The following C2CD5 variants were observed in gnomAD, a reference collection of about 807,000 sequenced individuals.
The protein encoded by C2CD5 is C2 domain-containing protein 5.
Under a neutral mutation model 130.3 loss-of-function variants are expected in C2CD5, and 109 were observed. That is an observed-to-expected ratio of 0.84 (90% confidence interval 0.72 to 0.98). C2CD5 has a LOEUF of 0.98. C2CD5 is among the 50% of genes least tolerant of loss of function. The pLI, the probability that C2CD5 is intolerant of heterozygous loss-of-function variation, is 0.00. For missense variants in C2CD5, 996 were observed against 1,261.8 expected (o/e 0.79, Z 3.19); for synonymous variants, 454 against 429.2 (o/e 1.06, Z -0.71).
Position 22,521,835 on chromosome 12 carries a change from A to G in C2CD5, c.800+1591T>C, listed in dbSNP as rs568769859. On this transcript the variant is annotated intron_variant, in intron 7 of 26. Coordinates refer to ENST00000446597, the MANE Select transcript of C2CD5 (RefSeq NM_001286176.2). Reference sequence around the variant, plus strand: ...ATAAAATGGCTAACAAAAAGAATGCACTTAGGATAAAGATGAAAATTTCAC... The same window carrying G: ...ATAAAATGGCTAACAAAAAGAATGCGCTTAGGATAAAGATGAAAATTTCAC... 2.2e-4 allele frequency among the ~76,000 whole-genome samples: 33 copies of G among 152,340 alleles called. No individual in the cohort carries two copies. The South Asian group carries it at 6.8e-3, about 32-fold the overall frequency.
intron 12 of C2CD5, among the ~76,000 whole-genome samples, chr12:22,486,290 C>T (rs946455986): frequency 6.6e-6 from 1 of 151,960 alleles, no homozygotes; most frequent in Non-Finnish European, 1.5e-5. Flanking sequence ...CCAGCTACTA[C>T]ACTGCTCTCG....
Position 22,523,438 on chromosome 12 carries a change from T to A in C2CD5, c.788A>T (p.Lys263Ile). The change falls in exon 7 of 27, where the codon AAA becomes ATA. Residue 263 changes from lysine to isoleucine, a missense_variant. By Grantham distance (102) the Lys-to-Ile change is moderately radical. This residue lies in a region of C2CD5 where 156 missense variants were observed against 165.9 expected (regional missense o/e 0.94). Transcript: ENST00000446597. The stretch of plus-strand genomic sequence containing the variant: ...GATTCATACTTACTCCTTCATTTCT[T>A]TGGATGGGGAATTACATGCAGGAAG... Reference protein sequence around the residue: ...AFLPACNSPSKEMKEIPFNED... With the variant: ...AFLPACNSPSIEMKEIPFNED... 6.2e-7 allele frequency: 1 copy of A among 1,613,164 alleles called. No individual in the cohort carries two copies. Among genetic ancestry groups the A allele is most frequent in the East Asian group, 2.2e-5 (1 of 44,862 alleles).
intron 16 of C2CD5, among the ~76,000 whole-genome samples, chr12:22,473,177 C>G (rs1244988221): frequency 6.6e-6 from 1 of 152,120 alleles, no homozygotes; most frequent in East Asian, 1.9e-4. Flanking sequence ...GAATTAGGTA[C>G]AGATAAATTT....
intron 9 of C2CD5, among the ~76,000 whole-genome samples, chr12:22,510,448 C>T (rs972516233): frequency 6.6e-6 from 1 of 152,172 alleles, no homozygotes; most frequent in Non-Finnish European, 1.5e-5. Flanking sequence ...GAAAAATCAT[C>T]AGAGCACAAT....
At chr12:22,525,870 C>A (rs1950672047) in intron 4 of C2CD5, among the ~76,000 whole-genome samples, 165 bp from the exon 5 acceptor site, 1 of 152,104 alleles carries the variant, frequency 6.6e-6, no homozygotes, top group Non-Finnish European at 1.5e-5. Flanking sequence ...CACTTTCAGT[C>A]CAGAATTCAA....
rs536904820 is a variant in C2CD5, at chr12:22,490,120, A to C, written c.1358+3T>G. 20 of 1,609,822 alleles carry C rather than the reference A, an allele frequency of 1.2e-5. No individual in the cohort carries two copies. The highest frequency in any genetic ancestry group is 7.7e-5 in the South Asian group (7 of 90,962). ...AGAAAATAAGCCAGGCTGCCATGAC[A>C]ACCTCTGTTCCAAACAGCCTTCCAC... On this transcript the variant is annotated splice_donor_region_variant and intron_variant, in intron 12 of 26. Transcript: ENST00000446597.
At chr12:22,501,160 ATAC>A (rs941465092) in intron 10 of C2CD5, among the ~76,000 whole-genome samples, 1 of 152,218 alleles carries the variant, frequency 6.6e-6, no homozygotes, top group African/African-American at 2.4e-5. Context: ...AATCAAAAGC[ATAC>A]TACAAGGTGT....
intron 10 of C2CD5, among the ~76,000 whole-genome samples, chr12:22,497,907 T>TACACAC (rs3063916): frequency 0.024 from 3,490 of 145,674 alleles, 57 homozygotes; most frequent in Non-Finnish European, 0.032. Flanking sequence ...TGCACACACA[T>TACACAC]ACACACACAC....
chr12:22,524,400 C>T, intron 6 of C2CD5, 72 bp downstream of exon 6: 1 of 1,230,636 alleles, frequency 8.1e-7, no homozygotes, highest in Non-Finnish European at 1.2e-6. Flanking sequence ...GTTGAGGTAG[C>T]ATGTCAAAGG....
intron 16 of C2CD5, 103 bp from the exon 17 acceptor site, chr12:22,472,910 C>A: frequency 2.8e-6 from 2 of 705,632 alleles, no homozygotes. Flanking sequence ...AGTCATTTTT[C>A]CTAAGTAAAA....
rs1471759162 is a variant in C2CD5 at position 22,482,735 on chromosome 12, C to T, written c.1559G>A (p.Arg520His). 8.7e-6 allele frequency: 14 copies of T among 1,612,136 alleles called. No individual in the cohort carries two copies. Among genetic ancestry groups the T allele is most frequent in the African/African-American group, 1.3e-5 (1 of 74,800 alleles). ...TTCTGCCTGTGCTTTCTTTTTTAAG[C>T]GACATAACCTGTAAAGGAAAATAAG... ...KGCLIQARLC[R>H]LKKKAQAEAN... Residue 520 changes from arginine to histidine, a missense_variant, in exon 14 of 27, where the codon CGC becomes CAC. This residue lies in a region of C2CD5 where 590 missense variants were observed against 631.4 expected (regional missense o/e 0.93). Coordinates refer to ENST00000446597, the MANE Select transcript of C2CD5 (RefSeq NM_001286176.2).
At chr12:22,464,948 C>A (rs1290115823) in intron 22 of C2CD5, among the ~76,000 whole-genome samples, 2 of 151,932 alleles carry the variant, frequency 1.3e-5, no homozygotes, top group East Asian at 3.9e-4. Flanking sequence ...ACATTAAATT[C>A]AAACAGTTAA....
chr12:22,506,896 A>AGTG, intron 9 of C2CD5, 77 bp from the exon 10 acceptor site: 1 of 827,896 alleles, frequency 1.2e-6, no homozygotes, highest in Non-Finnish European at 2.1e-6. Flanking sequence ...AAAGCTTGCC[A>AGTG]TAGCAACTGT....
At chr12:22,458,721 A>G (rs1485026539) in intron 23 of C2CD5, 136 bp from the exon 24 acceptor site, 6 of 384,190 alleles carry the variant, frequency 1.6e-5, no homozygotes, top group Admixed American at 4.5e-5. Flanking sequence ...TTCAAGTCAG[A>G]TAAGAGAGAT....
rs553016540 is a variant in C2CD5 at position 22,512,646 on chromosome 12, C to G, written c.1038+648G>C. ...CTCTCACACATTTTTCAGAAACATA[C>G]CCGCCTTCTACAGAACCTATGAGGC... On this transcript the variant is annotated intron_variant, in intron 9 of 26. Transcript: ENST00000446597. 3 of 1,487,118 alleles carry G rather than the reference C, an allele frequency of 2.0e-6. No homozygotes were observed. In the African/African-American group the frequency reaches 4.3e-5, roughly 21 times the overall value. 92.1% of individuals were successfully genotyped at this position (1,487,118 alleles called of 1,614,324 possible).
At chr12:22,522,665 C>G (rs1950372534) in intron 7 of C2CD5, among the ~76,000 whole-genome samples, 1 of 152,164 alleles carries the variant, frequency 6.6e-6, no homozygotes, top group African/African-American at 2.4e-5. Context: ...TAATTACACT[C>G]AGTTAGTTTA....
intron 3 of C2CD5, among the ~76,000 whole-genome samples, chr12:22,530,114 A>G (rs1951116736): frequency 1.5e-5 from 1 of 65,202 alleles, no homozygotes; most frequent in South Asian, 4.3e-4. Context: ...ATATATATAC[A>G]CACACACACA....
At chr12:22,459,383 G>T (rs928408595) in intron 23 of C2CD5, 109 bp downstream of exon 23, 4 of 544,112 alleles carry the variant, frequency 7.4e-6, no homozygotes, top group Admixed American at 3.4e-5. Context: ...AGATTTTGGT[G>T]TCTATTCCAT....
chr12:22,491,857 G>A (rs934907402), intron 11 of C2CD5, among the ~76,000 whole-genome samples: 3 of 147,056 alleles, frequency 2.0e-5, no homozygotes, highest in Admixed American at 6.8e-5. Flanking sequence ...GAGTGAAAGA[G>A]TGAAACTCTA....
Sources: allele counts gnomAD v4.1 joint callset (sites outside exome capture counted in the v4.1 genomes callset), GRCh38; gene constraint gnomAD v4.1.1; regional missense constraint gnomAD v4.1.1; transcripts MANE v1.5; gene names NCBI Gene and HGNC (gene_info 2026-07-23, HGNC 2026-07-21).